The following TMEM182 variants were observed in gnomAD, a reference collection of about 807,000 sequenced individuals.
TMEM182 encodes the protein transmembrane protein 182.
Under a neutral mutation model 26.8 loss-of-function variants are expected in TMEM182, and 20 were observed. The ratio of observed to expected loss-of-function variants is 0.75; its 90% CI spans 0.53 to 1.09. TMEM182 has a LOEUF of 1.09. Among genes scored for constraint, TMEM182 ranks in the 50% least tolerant of loss-of-function variants. TMEM182 has a pLI of 0.00. For missense variants in TMEM182, 277 were observed against 275.5 expected (o/e 1.01, Z -0.04); for synonymous variants, 109 against 102.2 (o/e 1.07, Z -0.40).
At chr2:102,804,655 G>T (rs1298835961) in intron 4 of TMEM182, among the ~76,000 whole-genome samples, 2 of 152,108 alleles carry the variant, frequency 1.3e-5, no homozygotes, top group South Asian at 4.1e-4. Context: ...AAAACCAAAA[G>T]CATAGCTTCC....
intron 3 of TMEM182, among the ~76,000 whole-genome samples, chr2:102,768,990 A>T (rs1426660984): frequency 1.3e-5 from 2 of 152,112 alleles, no homozygotes; most frequent in Non-Finnish European, 2.9e-5. Flanking sequence ...AGCTTCCACA[A>T]TGATGCTGCC....
At chr2:102,823,332 A>AT (rs1232422429) in intron 3 of TMEM182, among the ~76,000 whole-genome samples, 1 of 151,868 alleles carries the variant, frequency 6.6e-6, no homozygotes. Flanking sequence ...TTCTTCCTTT[A>AT]TTTTTTATTT....
At chr2:102,794,394 C>T (rs1681779923) in intron 3 of TMEM182, among the ~76,000 whole-genome samples, 1 of 152,214 alleles carries the variant, frequency 6.6e-6, no homozygotes, top group African/African-American at 2.4e-5. Context: ...TTAATCATTT[C>T]TGCTGCTCTT....
At chr2:102,814,692 G>A (rs976637699) in intron 4 of TMEM182, 56 bp from the exon 5 acceptor site, 25 of 1,507,048 alleles carry the variant, frequency 1.7e-5, no homozygotes, top group African/African-American at 6.9e-5. Flanking sequence ...TTTAGATAGC[G>A]TTCTTGAGAA....
At chr2:102,765,414 G>C (rs561012957) in intron 3 of TMEM182, among the ~76,000 whole-genome samples, 1 of 152,096 alleles carries the variant, frequency 6.6e-6, no homozygotes, top group African/African-American at 2.4e-5. Flanking sequence ...GATGAGGCCC[G>C]CTCATAGTAT....
In TMEM182 at chr2:102,763,588, C is replaced by T. The variant is rs916542830; in HGVS notation, c.233-741C>T. 5.3e-5 allele frequency among the ~76,000 whole-genome samples: 8 copies of T among 152,068 alleles called. No individual in the cohort carries two copies. In the East Asian group the frequency reaches 5.8e-4, roughly 11 times the overall value. ...AAGGAACAAAGTAGTGATGAAGCAG[C>T]GTTTTGAGGCAAGTACCTGATAGAC... On this transcript the variant is annotated intron_variant, in intron 2 of 4. Coordinates refer to ENST00000412401, the MANE Select transcript of TMEM182 (RefSeq NM_144632.5).
intron 1 of TMEM182, among the ~76,000 whole-genome samples, chr2:102,755,465 G>A (rs1420776168): frequency 6.6e-6 from 1 of 152,208 alleles, no homozygotes; most frequent in Non-Finnish European, 1.5e-5. Context: ...AAAGTGAAGA[G>A]AGAAGCACTC....
intron 3 of TMEM182, among the ~76,000 whole-genome samples, chr2:102,825,929 G>T (rs1683022812): frequency 6.6e-6 from 1 of 152,174 alleles, no homozygotes; most frequent in Non-Finnish European, 1.5e-5. Context: ...ATACCAACTG[G>T]TTTCTTCCTA....
rs962057218 is a variant in TMEM182, at chr2:102,816,490, A to G, written c.*1522A>G. On this transcript the variant is annotated 3_prime_UTR_variant, in exon 5 of 5. Coordinates refer to ENST00000412401, the MANE Select transcript of TMEM182 (RefSeq NM_144632.5). ...TTGCAAAGGTCTGAATCTTCAGGGC[A>G]TTTTCATGACAGGACTTGCCAATAA... 3.1e-6 allele frequency: 3 copies of G among 982,554 alleles called. No homozygotes were observed. The highest frequency in any genetic ancestry group is 3.6e-5 in the African/African-American group (2 of 56,172). The allele number at this position is 982,554 out of a possible 1,614,324, so 60.9% of individuals were successfully genotyped here. A position where few individuals can be genotyped will look rare whatever the true frequency, so the allele number is the denominator to read the frequency against.
intron 3 of TMEM182, among the ~76,000 whole-genome samples, chr2:102,771,226 G>T (rs1680656183): frequency 6.6e-6 from 1 of 152,186 alleles, no homozygotes; most frequent in African/African-American, 2.4e-5. Flanking sequence ...ATTTGGAAAT[G>T]CCTAACATCA....
intron 1 of TMEM182, among the ~76,000 whole-genome samples, chr2:102,754,315 A>C (rs1362826564): frequency 6.6e-6 from 1 of 152,238 alleles, no homozygotes; most frequent in Non-Finnish European, 1.5e-5. Flanking sequence ...ACCTTGAAAT[A>C]AATCAAACAC....
At chr2:102,741,047 T>G (rs1478140620) in intron 1 of TMEM182, among the ~76,000 whole-genome samples, 1 of 152,194 alleles carries the variant, frequency 6.6e-6, no homozygotes, top group Non-Finnish European at 1.5e-5. Context: ...CTTGGGAAGT[T>G]GCCACTTCCA....
At chr2:102,834,916 C>A (rs1453590848) in intron 3 of TMEM182, among the ~76,000 whole-genome samples, 1 of 152,200 alleles carries the variant, frequency 6.6e-6, no homozygotes, top group Admixed American at 6.5e-5. Context: ...AATTGGGCCT[C>A]ACCCGTTTCA....
intron 1 of TMEM182, 23 bp from the exon 2 acceptor site, chr2:102,762,564 T>A (rs1378652980): frequency 3.8e-6 from 6 of 1,594,508 alleles, no homozygotes; most frequent in Non-Finnish European, 5.1e-6. Context: ...TGATGGCAAG[T>A]TACTTCATTT....
intron 3 of TMEM182, among the ~76,000 whole-genome samples, chr2:102,767,206 T>G (rs946028214): frequency 1.1e-4 from 17 of 152,316 alleles, no homozygotes; most frequent in Non-Finnish European, 2.2e-4. Flanking sequence ...CTGACTTGTG[T>G]GTATGATCAG....
chr2:102,829,375 C>A (rs1683105938), intron 3 of TMEM182, among the ~76,000 whole-genome samples: 1 of 152,178 alleles, frequency 6.6e-6, no homozygotes, highest in Non-Finnish European at 1.5e-5. Flanking sequence ...TGTCCAATGA[C>A]TTATAAGTTA....
At chr2:102,794,152 TC>T (rs1415806799) in intron 3 of TMEM182, among the ~76,000 whole-genome samples, 1 of 152,218 alleles carries the variant, frequency 6.6e-6, no homozygotes, top group East Asian at 1.9e-4. Context: ...AAGTCATTCT[TC>T]TAATAGTTCT....
chr2:102,814,784 T>C lies in TMEM182; in HGVS notation c.506T>C (p.Ile169Thr), dbSNP rs771710290. ...TCATTGGTGGTGATGCTGTATGTCATCTGGGTCCAGGCAGTGGCTGACATG... is the reference window on the plus strand; with the variant it reads ...TCATTGGTGGTGATGCTGTATGTCACCTGGGTCCAGGCAGTGGCTGACATG... ...LFSLVVMLYV[I>T]WVQAVADMES... Residue 169 changes from isoleucine to threonine, a missense_variant, in exon 5 of 5, where the codon ATC becomes ACC. Physicochemically the swap from Ile to Thr is moderately conservative, Grantham distance 89. Transcript: ENST00000412401. 127 of 1,613,758 alleles carry C rather than the reference T, an allele frequency of 7.9e-5. No individual in the cohort carries two copies. The highest frequency in any genetic ancestry group is 9.3e-6 in the Non-Finnish European group (11 of 1,179,932).
chr2:102,821,617 C>T (rs995107041), downstream of TMEM182, among the ~76,000 whole-genome samples: 2 of 152,152 alleles, frequency 1.3e-5, no homozygotes, highest in Admixed American at 6.5e-5. Flanking sequence ...CACACAGTCT[C>T]GGGTATTTCT....
Sources: gnomAD v4.1 joint callset for allele counts (sites outside exome capture counted in the v4.1 genomes callset) on GRCh38, gnomAD v4.1.1 for gene constraint, MANE v1.5 for transcripts, NCBI Gene and HGNC (gene_info 2026-07-23, HGNC 2026-07-21) for gene names.